Variants in ARHGAP31 observed in about 807,000 individuals in gnomAD.
ARHGAP31 encodes the protein Rho GTPase activating protein 31.
A neutral mutation model predicts 113.9 loss-of-function variants in ARHGAP31; 34 were observed. That is an observed-to-expected ratio of 0.30 (90% CI 0.23 to 0.40). The LOEUF (loss-of-function observed/expected upper bound fraction) is 0.40. Among genes scored for constraint, ARHGAP31 ranks in the 10% least tolerant of loss-of-function variants. The probability of loss-of-function intolerance (pLI) is 1.00; values close to 1 mark genes in which losing one functional copy is unlikely to be tolerated. For missense variants in ARHGAP31, 1,548 were observed against 1,767.1 expected (o/e 0.88, Z 2.22); for synonymous variants, 650 against 684.8 (o/e 0.95, Z 0.79).
At chr3:119,301,347 C>A (rs984268723) in intron 1 of ARHGAP31, among the ~76,000 whole-genome samples, 1 of 152,140 alleles carries the variant, frequency 6.6e-6, no homozygotes, top group African/African-American at 2.4e-5. Context: ...GAACAGTCTG[C>A]GGGGTGAGGG....
intron 1 of ARHGAP31, among the ~76,000 whole-genome samples, chr3:119,317,998 TC>T (rs887371816): frequency 2.6e-5 from 4 of 152,112 alleles, no homozygotes. Flanking sequence ...GTCAGTTTGT[TC>T]ACGGTTTTTA....
intron 1 of ARHGAP31, among the ~76,000 whole-genome samples, chr3:119,307,786 T>C (rs1266806931): frequency 6.6e-6 from 1 of 151,986 alleles, no homozygotes; most frequent in Non-Finnish European, 1.5e-5. Flanking sequence ...ATCAAGTCTG[T>C]TTCCATCATT....
chr3:119,312,890 A>G (rs1315144846), intron 1 of ARHGAP31, among the ~76,000 whole-genome samples: 1 of 152,148 alleles, frequency 6.6e-6, no homozygotes, highest in Non-Finnish European at 1.5e-5. Context: ...TGGCAGTTAC[A>G]CTGGATAGCA....
intron 6 of ARHGAP31, 127 bp downstream of exon 6, chr3:119,383,353 T>TA: frequency 8.2e-7 from 1 of 1,213,604 alleles, no homozygotes; most frequent in Non-Finnish European, 1.2e-6. Flanking sequence ...GTATGCTGAC[T>TA]ACTGTGTGTC....
At position 119,383,355 on chromosome 3, in the gene ARHGAP31, C is replaced by T. The variant is rs141482288; in HGVS notation, c.682+129C>T. ...GTGTTGGCTGTGTGTATGCTGACTA[C>T]TGTGTGTCAGTGTCTGAGGATCGTG... On this transcript the variant is annotated intron_variant, in intron 6 of 11. Transcript: ENST00000264245. 5,285 of 1,199,924 alleles carry T rather than the reference C, an allele frequency of 4.4e-3. 18 individuals carry two copies. Among genetic ancestry groups the T allele is most frequent in the Non-Finnish European group, 4.8e-3 (3,946 of 815,290 alleles). The allele number at this position is 1,199,924 out of a possible 1,614,324, so 74.3% of individuals were successfully genotyped here.
intron 1 of ARHGAP31, among the ~76,000 whole-genome samples, chr3:119,362,395 C>T (rs988052554): frequency 1.2e-4 from 18 of 152,150 alleles, no homozygotes; most frequent in African/African-American, 4.3e-4. Context: ...CCTACATGCA[C>T]AGAAAAGACA....
At chr3:119,299,754 T>G (rs2079563840) in intron 1 of ARHGAP31, among the ~76,000 whole-genome samples, 1 of 152,246 alleles carries the variant, frequency 6.6e-6, no homozygotes, top group Non-Finnish European at 1.5e-5. Context: ...CTGTCATAGC[T>G]GAAGGAAAAG....
At chr3:119,376,774 G>T (rs1484470207) in intron 3 of ARHGAP31, among the ~76,000 whole-genome samples, 1 of 148,514 alleles carries the variant, frequency 6.7e-6, no homozygotes, top group Non-Finnish European at 1.5e-5. Context: ...AAAAAAAAAG[G>T]CAGTGTCACT....
rs912792432 is a variant in ARHGAP31 at position 119,329,824 on chromosome 3, G to A, written c.100+34820G>A. 5.1e-6 allele frequency: 5 copies of A among 985,362 alleles called. No individual in the cohort carries two copies. In the African/African-American group the frequency reaches 8.7e-5, roughly 17 times the overall value. 61.0% of individuals were successfully genotyped at this position (985,362 alleles called of 1,614,324 possible). A position where few individuals can be genotyped will look rare whatever the true frequency, so the allele number is the denominator to read the frequency against. On this transcript the variant is annotated intron_variant, in intron 1 of 11. Transcript: ENST00000264245. ...TGACTGAACCATGAGCGTATTGAGAGGAGTCTGTCCGCACTGTCCCCACCA... is the reference window on the plus strand; with the variant it reads ...TGACTGAACCATGAGCGTATTGAGAAGAGTCTGTCCGCACTGTCCCCACCA...
chr3:119,369,855 C>T (rs1481487845), intron 3 of ARHGAP31, among the ~76,000 whole-genome samples: 1 of 150,222 alleles, frequency 6.7e-6, no homozygotes, highest in African/African-American at 2.5e-5. Flanking sequence ...TTTTAGCAAG[C>T]AACAACAACA....
chr3:119,364,863 C>T (rs1402470762), intron 1 of ARHGAP31, among the ~76,000 whole-genome samples: 1 of 152,114 alleles, frequency 6.6e-6, no homozygotes, highest in Non-Finnish European at 1.5e-5. Context: ...GAGGCCAAGG[C>T]GGGTGGATCA....
chr3:119,322,946 C>T (rs1289333849), intron 1 of ARHGAP31, among the ~76,000 whole-genome samples: 1 of 152,222 alleles, frequency 6.6e-6, no homozygotes, highest in Non-Finnish European at 1.5e-5. Flanking sequence ...CGTTCCAGCC[C>T]TGCCCCCGCC....
intron 1 of ARHGAP31, among the ~76,000 whole-genome samples, chr3:119,341,204 TTAGTC>T (rs2080005132): frequency 6.6e-6 from 1 of 152,124 alleles, no homozygotes; most frequent in Admixed American, 6.6e-5. Context: ...GGCACATAGT[TTAGTC>T]TAGGTAGAGT....
chr3:119,339,603 C>T (rs1238878170), intron 1 of ARHGAP31, among the ~76,000 whole-genome samples: 2 of 152,046 alleles, frequency 1.3e-5, no homozygotes, highest in South Asian at 2.1e-4. Context: ...TCCGACCCGC[C>T]GCATCTCCGA....
chr3:119,297,630 A>T (rs1226209801), intron 1 of ARHGAP31, among the ~76,000 whole-genome samples: 1 of 152,224 alleles, frequency 6.6e-6, no homozygotes, highest in Non-Finnish European at 1.5e-5. Context: ...GTGGAGGACA[A>T]AGCGGGGTGA....
At chr3:119,344,239 G>C (rs563376307) in intron 1 of ARHGAP31, among the ~76,000 whole-genome samples, 22 of 152,276 alleles carry the variant, frequency 1.4e-4, no homozygotes, top group African/African-American at 5.3e-4. Context: ...AATTTAACTG[G>C]ATGTTCTGTA....
intron 1 of ARHGAP31, among the ~76,000 whole-genome samples, chr3:119,363,866 C>T (rs1465039750): frequency 3.9e-5 from 6 of 152,286 alleles, no homozygotes; most frequent in African/African-American, 1.4e-4. Context: ...ATCACTGTGG[C>T]AGCCTCGAGA....
chr3:119,374,169 G>A (rs554594546), intron 3 of ARHGAP31, among the ~76,000 whole-genome samples: 2 of 152,288 alleles, frequency 1.3e-5, no homozygotes, highest in South Asian at 2.1e-4. Context: ...TAGGGTCCTA[G>A]TGGGAGGTGA....
At chr3:119,385,193 G>A (rs944901295) in intron 6 of ARHGAP31, among the ~76,000 whole-genome samples, 12 of 151,908 alleles carry the variant, frequency 7.9e-5, no homozygotes, top group Admixed American at 3.3e-4. Context: ...TTCCCAAAGT[G>A]CTAGGATTAC....
Sources: allele counts gnomAD v4.1 joint callset (sites outside exome capture counted in the v4.1 genomes callset), GRCh38; gene constraint gnomAD v4.1.1; transcripts MANE v1.5; gene names NCBI Gene and HGNC (gene_info 2026-07-23, HGNC 2026-07-21).